Variants in SYT9 observed in about 807,000 individuals in gnomAD.
The protein encoded by SYT9 is synaptotagmin 9.
Under a neutral mutation model 48.4 loss-of-function variants are expected in SYT9, and 22 were observed. That is an observed-to-expected ratio of 0.45 (90% CI 0.32 to 0.65). The LOEUF (loss-of-function observed/expected upper bound fraction) is 0.65. Ranked by LOEUF, SYT9 falls within the 30% of genes least tolerant of loss-of-function variation. The pLI is 0.03. For missense variants in SYT9, 577 were observed against 622.0 expected, an observed-to-expected ratio of 0.93 and a Z score of 0.77; for synonymous variants, 265 against 245.0, an observed-to-expected ratio of 1.08 and a Z score of -0.76.
intron 5 of SYT9, among the ~76,000 whole-genome samples, 191 bp downstream of exon 5, chr11:7,418,319 G>A (rs181957925): frequency 6.6e-6 from 1 of 152,308 alleles, no homozygotes; most frequent in East Asian, 1.9e-4. Context: ...CTACCAAAGT[G>A]TCTCTCAGCA....
chr11:7,287,913 T>C lies in SYT9; in HGVS notation c.146-15126T>C, dbSNP rs140654591. 4.7e-4 allele frequency among the ~76,000 whole-genome samples: 71 copies of C among 152,328 alleles called. No individual in the cohort carries two copies. In the East Asian group the frequency reaches 0.013, roughly 29 times the overall value. ...AACACCTTATGTTTTTATTGTTTCC[T>C]TATTATATATTTATAAGTTTGCTGA... is the stretch of plus-strand genomic sequence containing the variant. On this transcript the variant is annotated intron_variant, in intron 1 of 6. Coordinates refer to ENST00000318881, the MANE Select transcript of SYT9 (RefSeq NM_175733.4).
chr11:7,270,339 A>G (rs896572646), intron 1 of SYT9, among the ~76,000 whole-genome samples: 1 of 152,144 alleles, frequency 6.6e-6, no homozygotes, highest in Non-Finnish European at 1.5e-5. Flanking sequence ...AGGCTGTTTG[A>G]TTTAGGACAG....
At chr11:7,442,154 C>T (rs1193111614) in intron 6 of SYT9, among the ~76,000 whole-genome samples, 2 of 152,036 alleles carry the variant, frequency 1.3e-5, no homozygotes, top group African/African-American at 4.8e-5. Flanking sequence ...GGAACCCCAC[C>T]GCCTCCTGCC....
intron 3 of SYT9, among the ~76,000 whole-genome samples, chr11:7,322,595 G>A (rs950399161): frequency 3.3e-5 from 5 of 152,192 alleles, no homozygotes; most frequent in African/African-American, 1.2e-4. Context: ...AGGGATTGAT[G>A]AAGCTACAGG....
chr11:7,338,479 G>A (rs976634005), intron 3 of SYT9, among the ~76,000 whole-genome samples: 4 of 152,126 alleles, frequency 2.6e-5, no homozygotes, highest in Non-Finnish European at 5.9e-5. Flanking sequence ...TTTGATGTGT[G>A]TGTTTAGTGC....
At chr11:7,285,062 T>C (rs373195426) in intron 1 of SYT9, among the ~76,000 whole-genome samples, 1 of 152,144 alleles carries the variant, frequency 6.6e-6, no homozygotes, top group East Asian at 1.9e-4. Context: ...ACCTGGACCA[T>C]TGGGCTTTAT....
intron 1 of SYT9, among the ~76,000 whole-genome samples, chr11:7,240,187 T>C (rs561730909): frequency 6.6e-6 from 1 of 152,284 alleles, no homozygotes; most frequent in African/African-American, 2.4e-5. Flanking sequence ...GAGGTCCAAG[T>C]GGTGAGCTGT....
intron 6 of SYT9, chr11:7,427,437 T>C (rs1383053197): frequency 6.6e-6 from 1 of 152,226 alleles, no homozygotes; most frequent in Non-Finnish European, 1.5e-5. Context: ...AGGGTCCCCC[T>C]CTACTTGATG....
At chr11:7,391,659 C>T (rs192186406) in intron 3 of SYT9, among the ~76,000 whole-genome samples, 64 of 139,978 alleles carry the variant, frequency 4.6e-4, no homozygotes, top group Non-Finnish European at 8.8e-4. Flanking sequence ...CCAGCACTTT[C>T]GAAGGCCAAG....
intron 1 of SYT9, among the ~76,000 whole-genome samples, chr11:7,254,519 C>T (rs1310583103): frequency 6.6e-6 from 1 of 152,164 alleles, no homozygotes; most frequent in East Asian, 1.9e-4. Context: ...AATCTCGGAA[C>T]CCTAAAAGCT....
chr11:7,385,070 T>C (rs1298694362), intron 3 of SYT9, among the ~76,000 whole-genome samples: 2 of 152,186 alleles, frequency 1.3e-5, no homozygotes, highest in Non-Finnish European at 2.9e-5. Flanking sequence ...TTCCTGCTTA[T>C]TTCTTCCCAT....
At chr11:7,273,331 T>C (rs936626689) in intron 1 of SYT9, among the ~76,000 whole-genome samples, 13 of 16,696 alleles carry the variant, frequency 7.8e-4, no homozygotes, top group African/African-American at 2.4e-3. Flanking sequence ...GGTTTTTTTC[T>C]TTTGTTAGTG....
chr11:7,371,229 A>T (rs1850355815), intron 3 of SYT9, among the ~76,000 whole-genome samples: 1 of 152,080 alleles, frequency 6.6e-6, no homozygotes, highest in Non-Finnish European at 1.5e-5. Flanking sequence ...ATCAATTAGA[A>T]AATATATTTA....
At chr11:7,463,187 G>A (rs779311062) in intron 6 of SYT9, among the ~76,000 whole-genome samples, 65 of 152,160 alleles carry the variant, frequency 4.3e-4, no homozygotes, top group Non-Finnish European at 7.4e-4. Flanking sequence ...TCTGCCCATG[G>A]AAATGGGGCT....
At chr11:7,432,578 A>AT (rs1847615542) in intron 6 of SYT9, among the ~76,000 whole-genome samples, 2 of 9,030 alleles carry the variant, frequency 2.2e-4, no homozygotes, top group Non-Finnish European at 3.6e-4. Context: ...AAAAAAAAAA[A>AT]AAAAATATAT....
At chr11:7,294,892 G>A (rs1393968563) in intron 1 of SYT9, among the ~76,000 whole-genome samples, 2 of 152,218 alleles carry the variant, frequency 1.3e-5, no homozygotes, top group African/African-American at 4.8e-5. Context: ...TTGATAAATA[G>A]TGAATGTTCT....
At chr11:7,454,327 T>G (rs1409351327) in intron 6 of SYT9, 1 of 983,848 alleles carries the variant, frequency 1.0e-6, no homozygotes, top group African/African-American at 1.7e-5. Flanking sequence ...TGCTTACCAT[T>G]TCCGCTCTCT....
intron 6 of SYT9, chr11:7,435,753 A>T (rs1291859926): frequency 6.6e-6 from 1 of 152,136 alleles, no homozygotes; most frequent in African/African-American, 2.4e-5. Flanking sequence ...GGCTGCGGGG[A>T]GTGGATCACT....
chr11:7,265,530 T>TA (rs1848162947), intron 1 of SYT9, among the ~76,000 whole-genome samples: 2 of 152,180 alleles, frequency 1.3e-5, no homozygotes, highest in Admixed American at 6.5e-5. Context: ...GACATGCACT[T>TA]ACGGCCTTCG....
Sources: gnomAD v4.1 joint callset for allele counts (sites outside exome capture counted in the v4.1 genomes callset) on GRCh38, gnomAD v4.1.1 for gene constraint, MANE v1.5 for transcripts, NCBI Gene and HGNC (gene_info 2026-07-23, HGNC 2026-07-21) for gene names.